CFAP97D1: variants seen among roughly 807,000 people sequenced by gnomAD.
The protein encoded by CFAP97D1 is CFAP97 domain containing 1.
A neutral mutation model predicts 20.5 loss-of-function variants in CFAP97D1; 15 were observed. That is an observed-to-expected ratio of 0.73 (90% confidence interval 0.49 to 1.13). The LOEUF (loss-of-function observed/expected upper bound fraction) is 1.13, where lower values mean the gene tolerates loss of function less well. Among genes scored for constraint, CFAP97D1 ranks in the 50% most tolerant of loss-of-function variants. The probability of loss-of-function intolerance (pLI) is 0.00; values close to 1 mark genes in which losing one functional copy is unlikely to be tolerated. For missense variants in CFAP97D1, 168 were observed against 202.9 expected (o/e 0.83, Z 1.04); for synonymous variants, 58 against 71.2 (o/e 0.82, Z 0.93).
Position 43,780,571 on chromosome 17 carries a change from A to G in CFAP97D1, c.109A>G (p.Asn37Asp). The change falls in exon 1 of 6, where the codon AAT (asparagine) becomes GAT (aspartate). Residue 37 changes from asparagine (N) to aspartate (D), a missense_variant. Asn to Asp is a conservative substitution (Grantham distance 23). Coordinates refer to ENST00000449302, the MANE Select transcript of CFAP97D1 (RefSeq NM_001136483.3). ...LDFGHYVSHK[N>D]RIQIAKPTVD... Reference sequence around the variant, plus strand: ...CTTTGGCCACTACGTATCTCACAAGAATAGAATACAAATAGGTATGTGGGC... The same window carrying G: ...CTTTGGCCACTACGTATCTCACAAGGATAGAATACAAATAGGTATGTGGGC... The G allele has an allele frequency of 6.4e-7, 1 of 1,551,716 alleles. No homozygotes were observed. Among genetic ancestry groups the G allele is most frequent in the Non-Finnish European group, 8.7e-7 (1 of 1,146,996 alleles).
intron 2 of CFAP97D1, 72 bp downstream of exon 2, chr17:43,781,261 C>A: frequency 7.9e-7 from 1 of 1,268,560 alleles, no homozygotes; most frequent in South Asian, 1.3e-5. Flanking sequence ...TAAAGAGGTT[C>A]AATTTCCCAG....
intron 3 of CFAP97D1, 178 bp from the exon 4 acceptor site, chr17:43,783,002 A>G: frequency 1.5e-6 from 1 of 657,956 alleles, no homozygotes; most frequent in Non-Finnish European, 2.6e-6. Context: ...AATGCGGTGC[A>G]TGTTTCCCGG....
chr17:43,787,467 C>CAT lies in CFAP97D1; in HGVS notation c.*3086_*3087insTA, dbSNP rs2044300126. On this transcript the variant is annotated 3_prime_UTR_variant, in exon 6 of 6. Transcript: ENST00000449302. ...AAACTGTTCTATATCTTGACTCTAT[C>CAT]AATGTCAATATCCTTGTTGTGATAC... 1 of 152,082 alleles carries CAT rather than the reference C, an allele frequency of 6.6e-6. No individual in the cohort carries two copies. Among genetic ancestry groups the CAT allele is most frequent in the East Asian group, 1.9e-4 (1 of 5,194 alleles). 9.4% of individuals were successfully genotyped at this position (152,082 alleles called of 1,614,324 possible). A position where few individuals can be genotyped will look rare whatever the true frequency, so the allele number is the denominator to read the frequency against.
In CFAP97D1 at chr17:43,781,194, T is replaced by A. The variant is rs1318025436; in HGVS notation, c.195+5T>A. ...TTAAAATTGAGCAAACTACAGGTAT[T>A]TGTTCTTGCTGCTTGCAGATGTGCA... is the stretch of plus-strand genomic sequence containing the variant. On this transcript the variant is annotated splice_donor_5th_base_variant and intron_variant, in intron 2 of 5. Coordinates refer to ENST00000449302, the MANE Select transcript of CFAP97D1 (RefSeq NM_001136483.3). 5 of 1,549,426 alleles carry A rather than the reference T, an allele frequency of 3.2e-6. No individual in the cohort carries two copies. The highest frequency in any genetic ancestry group is 3.5e-6 in the Non-Finnish European group (4 of 1,145,104).
chr17:43,781,996 T>A, intron 3 of CFAP97D1, 104 bp downstream of exon 3: 2 of 758,044 alleles, frequency 2.6e-6, no homozygotes, highest in Non-Finnish European at 4.5e-6. Flanking sequence ...TTAAGGGAAG[T>A]TATCTTGAGG....
intron 2 of CFAP97D1, among the ~76,000 whole-genome samples, chr17:43,781,494 C>A (rs1409751476): frequency 6.6e-6 from 1 of 152,168 alleles, no homozygotes; most frequent in African/African-American, 2.4e-5. Flanking sequence ...CCATGCCCAG[C>A]TAATTTTTCA....
Position 43,781,911 on chromosome 17 carries a change from A to AT in CFAP97D1, c.314+22dup. ...CCAAGAGGTAATGTTCTTTGTCTTCATTTCAGTTTTGAAAAGTCAAAATTG... is the reference window on the plus strand; with the variant it reads ...CCAAGAGGTAATGTTCTTTGTCTTCATTTTCAGTTTTGAAAAGTCAAAATTG... On this transcript the variant is annotated intron_variant, in intron 3 of 5. Transcript: ENST00000449302. 1 of 1,493,794 alleles carries AT rather than the reference A, an allele frequency of 6.7e-7. No individual in the cohort carries two copies. Among genetic ancestry groups the AT allele is most frequent in the Non-Finnish European group, 9.1e-7 (1 of 1,094,252 alleles). 92.5% of individuals were successfully genotyped at this position (1,493,794 alleles called of 1,614,324 possible).
chr17:43,783,973 G>A (rs1974501116), intron 5 of CFAP97D1, 80 bp downstream of exon 5: 2 of 1,105,754 alleles, frequency 1.8e-6, no homozygotes, highest in Admixed American at 4.5e-5. Context: ...CGAATGAGGG[G>A]CCCAGTTAAG....
rs1238354145 is a variant in CFAP97D1, at chr17:43,783,882, C to A, written c.484C>A (p.Gln162Lys). 2.6e-6 allele frequency: 4 copies of A among 1,549,334 alleles called. No homozygotes were observed. The East Asian group carries it at 9.8e-5, about 38-fold the overall frequency. The change falls in exon 5 of 6, where the codon CAA becomes AAA. Residue 162 changes from glutamine to lysine, a missense_variant. By Grantham distance (53) the Gln-to-Lys change is moderately conservative. Transcript: ENST00000449302. ...IRNTTRYLLS[Q>K]NE ...AAATACCACGAGATATCTTCTCTCC[C>A]AAAATGAATAGGTATGTCTCTCTTA... is the stretch of plus-strand genomic sequence containing the variant.
At chr17:43,783,357 C>A in intron 4 of CFAP97D1, 54 bp downstream of exon 4, 1 of 1,546,320 alleles carries the variant, frequency 6.5e-7, no homozygotes, top group South Asian at 1.2e-5. Flanking sequence ...TGTCGGTGTT[C>A]AGCCTAGAGA....
Position 43,783,819 on chromosome 17 carries a change from C to T in CFAP97D1, c.439-18C>T, listed in dbSNP as rs1239587806. The T allele has an allele frequency of 6.5e-7, 1 of 1,545,326 alleles. No individual in the cohort carries two copies. The highest frequency in any genetic ancestry group is 8.7e-7 in the Non-Finnish European group (1 of 1,143,200). ...CCAATGCCCTGGCATTGACATAAAC[C>T]AATTTTTTTCCTTCAAGAATTCAAG... On this transcript the variant is annotated intron_variant, in intron 4 of 5. Coordinates refer to ENST00000449302, the MANE Select transcript of CFAP97D1 (RefSeq NM_001136483.3).
At chr17:43,781,722 T>G in intron 2 of CFAP97D1, 52 bp from the exon 3 acceptor site, 2 of 1,139,808 alleles carry the variant, frequency 1.8e-6, no homozygotes, top group Non-Finnish European at 2.6e-6. Flanking sequence ...TCATTGTGTG[T>G]TGGGGCAGTG....
At position 43,780,592 on chromosome 17, in the gene CFAP97D1, T is replaced by TG; in HGVS notation, c.124+9dup. On this transcript the variant is annotated splice_region_variant and intron_variant, in intron 1 of 5. Transcript: ENST00000449302. ...CAAGAATAGAATACAAATAGGTATG[T>TG]GGGCAGTTTGGGCTGGACACTGCTA... is the stretch of plus-strand genomic sequence containing the variant. 2 of 1,551,680 alleles carry TG rather than the reference T, an allele frequency of 1.3e-6. No individual in the cohort carries two copies. Among genetic ancestry groups the TG allele is most frequent in the Non-Finnish European group, 8.7e-7 (1 of 1,146,974 alleles).
chr17:43,783,298 T>G lies in CFAP97D1; in HGVS notation c.433T>G (p.Trp145Gly). The G allele has an allele frequency of 3.2e-6, 5 of 1,551,128 alleles. No individual in the cohort carries two copies. The highest frequency in any genetic ancestry group is 4.4e-6 in the Non-Finnish European group (5 of 1,146,798). ...TGACCGCAGGGCATCTGAGATAGAC[T>G]GGCAGGCACGTGGGCACTCATGTTA... ...HYDRRASEID[W>G]QNSRRYIRNT... The change falls in exon 4 of 6, where the codon TGG (tryptophan) becomes GGG (glycine). Residue 145 changes from tryptophan (W) to glycine (G), a missense_variant. Trp to Gly is a radical substitution (Grantham distance 184). Transcript: ENST00000449302.
chr17:43,780,983 C>A (rs1974466490), intron 1 of CFAP97D1, 136 bp from the exon 2 acceptor site: 3 of 654,568 alleles, frequency 4.6e-6, no homozygotes, highest in Non-Finnish European at 2.6e-6. Context: ...TAAATCAAAC[C>A]AAACTTCTTG....
rs1474092077 is a variant in CFAP97D1 at position 43,786,859 on chromosome 17, T to G, written c.*2477T>G. ...TGTTCATCCAAGTTGTGTGTGCCTT[T>G]TTATTGCTGAGTAGTATTCCATGGT... is the stretch of plus-strand genomic sequence containing the variant. On this transcript the variant is annotated 3_prime_UTR_variant, in exon 6 of 6. Transcript: ENST00000449302. The G allele has an allele frequency of 6.6e-6, 1 of 152,216 alleles. No homozygotes were observed. The highest frequency in any genetic ancestry group is 2.4e-5 in the African/African-American group (1 of 41,446). 9.4% of individuals were successfully genotyped at this position (152,216 alleles called of 1,614,324 possible).
At position 43,783,852 on chromosome 17, in the gene CFAP97D1, A is replaced by T. The variant is rs904584272; in HGVS notation, c.454A>T (p.Ile152Phe). The T allele has an allele frequency of 5.8e-6, 9 of 1,550,328 alleles. No individual in the cohort carries two copies. The African/African-American group carries it at 6.8e-5, about 12-fold the overall frequency. The change falls in exon 5 of 6, where the codon ATC becomes TTC. Residue 152 changes from isoleucine to phenylalanine, a missense_variant. Physicochemically the swap from Ile to Phe is conservative, Grantham distance 21. Transcript: ENST00000449302. ...TTCCTTCAAGAATTCAAGGCGCTAT[A>T]TCAGAAATACCACGAGATATCTTCT... ...EIDWQNSRRY[I>F]RNTTRYLLSQ... is the part of the protein sequence containing the mutation.
chr17:43,782,033 G>A, intron 3 of CFAP97D1, 141 bp downstream of exon 3: 7 of 619,618 alleles, frequency 1.1e-5, no homozygotes, highest in Middle Eastern at 3.5e-4. Flanking sequence ...ATGTTACACA[G>A]AATGAAAACT....
chr17:43,787,575 T>C lies in CFAP97D1; in HGVS notation c.*3193T>C, dbSNP rs944591006. ...GGATCTCTCTGTATTATTTCCTACA[T>C]GCATGTGAATATACAATTATCTCAA... On this transcript the variant is annotated 3_prime_UTR_variant, in exon 6 of 6. Coordinates refer to ENST00000449302, the MANE Select transcript of CFAP97D1 (RefSeq NM_001136483.3). 1.3e-5 allele frequency: 2 copies of C among 152,136 alleles called. No individual in the cohort carries two copies. The highest frequency in any genetic ancestry group is 6.5e-5 in the Admixed American group (1 of 15,280). 9.4% of individuals were successfully genotyped at this position (152,136 alleles called of 1,614,324 possible).
Sources: allele counts gnomAD v4.1 joint callset (sites outside exome capture counted in the v4.1 genomes callset), GRCh38; gene constraint gnomAD v4.1.1; transcripts MANE v1.5; gene names NCBI Gene and HGNC (gene_info 2026-07-23, HGNC 2026-07-21).